The following DNM3 variants were observed in gnomAD, a reference collection of about 807,000 sequenced individuals.
The protein encoded by DNM3 is dynamin-3.
A neutral mutation model predicts 101.6 loss-of-function variants in DNM3; 47 were observed. The ratio of observed to expected loss-of-function variants is 0.46; its 90% CI spans 0.37 to 0.59. DNM3 has a LOEUF of 0.59. Among genes scored for constraint, DNM3 ranks in the 20% least tolerant of loss-of-function variants. The pLI is 0.00. For missense variants in DNM3, 849 were observed against 1,085.7 expected, an observed-to-expected ratio of 0.78 and a Z score of 3.06; for synonymous variants, 385 against 387.9, an observed-to-expected ratio of 0.99 and a Z score of 0.09.
At chr1:172,320,370 C>A in intron 16 of DNM3, among the ~76,000 whole-genome samples, 1 of 142,928 alleles carries the variant, frequency 7.0e-6, no homozygotes, top group Non-Finnish European at 1.5e-5. Flanking sequence ...TACCCTAAAT[C>A]TTAAAGTATA....
chr1:172,315,993 G>A (rs936564851), intron 16 of DNM3, among the ~76,000 whole-genome samples: 47 of 152,020 alleles, frequency 3.1e-4, no homozygotes, highest in Admixed American at 5.2e-4. Context: ...AGAGAGAAAG[G>A]TCGGGTTACC....
chr1:172,094,934 T>A (rs1257950778), intron 13 of DNM3, among the ~76,000 whole-genome samples: 1 of 152,192 alleles, frequency 6.6e-6, no homozygotes, highest in Non-Finnish European at 1.5e-5. Flanking sequence ...ATCAATAGTA[T>A]AATAGCATAT....
In DNM3 at chr1:172,407,799, TC is replaced by T; in HGVS notation, c.2553del (p.Thr852LeufsTer2). 1 of 1,613,302 alleles carries T rather than the reference TC, an allele frequency of 6.2e-7. No homozygotes were observed. Among genetic ancestry groups the T allele is most frequent in the South Asian group, 1.1e-5 (1 of 91,062 alleles). On this transcript the variant is annotated frameshift_variant, in exon 21 of 21. Coordinates refer to ENST00000627582, the MANE Select transcript of DNM3 (RefSeq NM_015569.5). LOFTEE classifies it high-confidence loss of function. Reference protein sequence around the residue: ...SRRPPPSPTRPTIIRPLESSL... With the variant: ...SRRPPPSPTRXTIIRPLESSL... ...GGAGACCACCCCCATCACCAACTCGTCCCACTATAATCCGCCCACTAGAATC... is the reference window on the plus strand; with the variant it reads ...GGAGACCACCCCCATCACCAACTCGTCCACTATAATCCGCCCACTAGAATC...
At chr1:172,108,321 A>G (rs1219413420) in intron 13 of DNM3, among the ~76,000 whole-genome samples, 1 of 151,976 alleles carries the variant, frequency 6.6e-6, no homozygotes, top group Non-Finnish European at 1.5e-5. Flanking sequence ...GACATTTGCA[A>G]TGACCAAGTC....
rs183249020 is a variant in DNM3 at position 172,392,822 on chromosome 1, A to G, written c.2522+4013A>G. ...GTACTTTTTTTGACCACCCTTGTTCACCAAGTATGATGGTTTCTCTTTAAA... is the reference window on the plus strand; with the variant it reads ...GTACTTTTTTTGACCACCCTTGTTCGCCAAGTATGATGGTTTCTCTTTAAA... On this transcript the variant is annotated intron_variant, in intron 20 of 20. Transcript: ENST00000627582. Among the ~76,000 whole-genome samples, 900 of 152,286 alleles carry G rather than the reference A, an allele frequency of 5.9e-3. 3 individuals carry two copies. Among genetic ancestry groups the G allele is most frequent in the Non-Finnish European group, 0.01 (709 of 68,012 alleles).
chr1:172,023,948 G>T (rs2048022401), intron 4 of DNM3, among the ~76,000 whole-genome samples: 1 of 140,976 alleles, frequency 7.1e-6, no homozygotes, highest in African/African-American at 2.7e-5. Context: ...TTTAATTTCT[G>T]CTCTCCTATT....
intron 13 of DNM3, among the ~76,000 whole-genome samples, chr1:172,127,385 C>CCTATTA (rs1553385322): frequency 7.3e-6 from 1 of 137,678 alleles, no homozygotes; most frequent in Non-Finnish European, 1.6e-5. Context: ...TTACTCTCTA[C>CCTATTA]TTATTATTAT....
chr1:172,316,434 A>G (rs561210644), intron 16 of DNM3, among the ~76,000 whole-genome samples: 22 of 152,228 alleles, frequency 1.4e-4, no homozygotes, highest in Non-Finnish European at 3.1e-4. Context: ...ATTAAAAGAC[A>G]CAGACTGGCA....
At chr1:172,259,254 G>A (rs1054721382) in intron 15 of DNM3, among the ~76,000 whole-genome samples, 1 of 152,032 alleles carries the variant, frequency 6.6e-6, no homozygotes, top group Admixed American at 6.6e-5. Context: ...GTAAATGTCT[G>A]TTAGGTCTAT....
chr1:171,939,520 A>G (rs1419986794), intron 2 of DNM3, among the ~76,000 whole-genome samples: 1 of 152,122 alleles, frequency 6.6e-6, no homozygotes, highest in African/African-American at 2.4e-5. Flanking sequence ...TGTAATGTCT[A>G]CTCCAGAATT....
intron 13 of DNM3, among the ~76,000 whole-genome samples, chr1:172,110,957 G>T (rs569678286): frequency 3.8e-4 from 58 of 152,202 alleles, no homozygotes; most frequent in Non-Finnish European, 6.6e-4. Context: ...GATCCCCTGA[G>T]CCGGGGAGAT....
intron 2 of DNM3, among the ~76,000 whole-genome samples, chr1:171,965,970 C>T (rs754276267): frequency 5.3e-5 from 8 of 152,130 alleles, no homozygotes; most frequent in South Asian, 4.1e-4. Context: ...GAATAACAAA[C>T]GATACTTCTG....
chr1:172,057,514 G>A (rs968918930), intron 10 of DNM3, among the ~76,000 whole-genome samples: 1 of 152,230 alleles, frequency 6.6e-6, no homozygotes, highest in East Asian at 1.9e-4. Context: ...AACTCTACAA[G>A]CCAGAAGAGA....
intron 1 of DNM3, among the ~76,000 whole-genome samples, chr1:171,892,745 A>G (rs207460608): frequency 3.3e-5 from 5 of 152,192 alleles, no homozygotes; most frequent in African/African-American, 7.2e-5. Context: ...GTGGAAGACA[A>G]TTTTTCTATG....
intron 4 of DNM3, among the ~76,000 whole-genome samples, chr1:172,027,617 C>CAGAG (rs1553340555): frequency 5.6e-4 from 82 of 147,114 alleles, no homozygotes; most frequent in African/African-American, 1.0e-3. Context: ...CACACACACA[C>CAGAG]AGAGAGAGAG....
chr1:171,944,530 T>C (rs1026971349), intron 2 of DNM3, among the ~76,000 whole-genome samples: 1 of 151,874 alleles, frequency 6.6e-6, no homozygotes, highest in Non-Finnish European at 1.5e-5. Context: ...TGTGCCATCA[T>C]GCCCAGCTAA....
intron 6 of DNM3, among the ~76,000 whole-genome samples, chr1:172,035,299 CA>C (rs1333232963): frequency 6.6e-6 from 1 of 152,232 alleles, no homozygotes; most frequent in Admixed American, 6.6e-5. Context: ...AGAAGTCAAT[CA>C]ACTGGTCAAA....
intron 5 of DNM3, 26 bp downstream of exon 5, chr1:172,032,526 C>CTTTTTTTT (rs750270768): frequency 2.2e-5 from 8 of 360,804 alleles, no homozygotes; most frequent in East Asian, 4.2e-5. Flanking sequence ...CTATACAAGA[C>CTTTTTTTT]TTTTTTTTTT....
At chr1:171,883,363 C>A (rs905744361) in intron 1 of DNM3, among the ~76,000 whole-genome samples, 9 of 119,938 alleles carry the variant, frequency 7.5e-5, no homozygotes, top group Non-Finnish European at 5.2e-5. Flanking sequence ...CAAAAAAGGA[C>A]CACACACACA....
Sources: gnomAD v4.1 joint callset for allele counts (sites outside exome capture counted in the v4.1 genomes callset) on GRCh38, gnomAD v4.1.1 for gene constraint, MANE v1.5 for transcripts, NCBI Gene and HGNC (gene_info 2026-07-23, HGNC 2026-07-21) for gene names.